The following ZZZ3 variants were observed in gnomAD, a reference collection of about 807,000 sequenced individuals.
The protein encoded by ZZZ3 is ZZ-type zinc finger-containing protein 3.
In ZZZ3, 22 loss-of-function variants were observed where a neutral mutation model predicts 95.2. The observed-to-expected ratio is 0.23, with a 90% CI of 0.17 to 0.33. The LOEUF (loss-of-function observed/expected upper bound fraction) is 0.33. Ranked by LOEUF, ZZZ3 falls within the 10% of genes least tolerant of loss-of-function variation. The probability of loss-of-function intolerance (pLI) is 1.00; values close to 1 mark genes in which losing one functional copy is unlikely to be tolerated. For missense variants in ZZZ3, 885 were observed against 1,066.5 expected (o/e 0.83, Z 2.37); for synonymous variants, 335 against 358.9 (o/e 0.93, Z 0.75).
Position 77,565,445 on chromosome 1 carries a change from G to GA in ZZZ3, c.*194dup, listed in dbSNP as rs1660730890. ...CACCAGGGAAACCTTTGCTCACCAG[G>GA]AATGTTCAGCTGCTGAACAGTGATC... is the stretch of plus-strand genomic sequence containing the variant. On this transcript the variant is annotated 3_prime_UTR_variant, in exon 15 of 15. Coordinates refer to ENST00000370801, the MANE Select transcript of ZZZ3 (RefSeq NM_015534.6). The GA allele has an allele frequency of 6.0e-6, 3 of 496,172 alleles. No homozygotes were observed. The highest frequency in any genetic ancestry group is 1.0e-5 in the Non-Finnish European group (3 of 290,500). The allele number at this position is 496,172 out of a possible 1,614,324, so 30.7% of individuals were successfully genotyped here.
chr1:77,663,812 G>A (rs199625868), intron 1 of ZZZ3, among the ~76,000 whole-genome samples: 12 of 151,190 alleles, frequency 7.9e-5, no homozygotes, highest in African/African-American at 1.9e-4. Flanking sequence ...GCAATGGCGC[G>A]ATCTTGGCTC....
rs755237091 is a variant in ZZZ3 at position 77,639,594 on chromosome 1, TA to T, written c.-198del. 1.4e-4 allele frequency: 76 copies of T among 556,158 alleles called. No homozygotes were observed. Among genetic ancestry groups the T allele is most frequent in the Non-Finnish European group, 1.1e-4 (38 of 353,838 alleles). 34.5% of individuals were successfully genotyped at this position (556,158 alleles called of 1,614,324 possible). Reference sequence around the variant, plus strand: ...AGCCATGAAGAATACTAGAACCTCCTAAATTTTTCTTTAAAATAAAATAATG... The same window carrying T: ...AGCCATGAAGAATACTAGAACCTCCTAATTTTTCTTTAAAATAAAATAATG... On this transcript the variant is annotated 5_prime_UTR_variant, in exon 4 of 15. Transcript: ENST00000370801.
intron 6 of ZZZ3, among the ~76,000 whole-genome samples, chr1:77,582,841 C>G (rs1260120546): frequency 6.6e-6 from 1 of 152,106 alleles, no homozygotes; most frequent in Non-Finnish European, 1.5e-5. Flanking sequence ...CGCAGTGGCT[C>G]ATGCCTGTAA....
At chr1:77,683,102 CCGTCGCAGCCGTCGCAGT>C (rs1672958911), upstream of ZZZ3, among the ~76,000 whole-genome samples, 2 of 145,404 alleles carry the variant, frequency 1.4e-5, no homozygotes, top group East Asian at 2.1e-4. Flanking sequence ...GCCGTCGCAG[CCGTCGCAGCCGTCGCAGT>C]CGTCGCCTCC....
intron 5 of ZZZ3, among the ~76,000 whole-genome samples, chr1:77,623,311 GACAA>G (rs1667050983): frequency 6.6e-6 from 1 of 152,116 alleles, no homozygotes; most frequent in Non-Finnish European, 1.5e-5. Flanking sequence ...AACACAGAAA[GACAA>G]ACAATGCTAT....
chr1:77,674,333 T>C (rs762338314), intron 1 of ZZZ3, among the ~76,000 whole-genome samples: 5 of 152,084 alleles, frequency 3.3e-5, no homozygotes, highest in African/African-American at 7.2e-5. Flanking sequence ...AAACATAACA[T>C]TGAGCAAAAA....
At chr1:77,624,678 G>A (rs1376207663) in intron 5 of ZZZ3, among the ~76,000 whole-genome samples, 5 of 152,060 alleles carry the variant, frequency 3.3e-5, no homozygotes, top group African/African-American at 4.8e-5. Context: ...TTAATCAGCC[G>A]TAATAAGTAA....
chr1:77,599,009 C>T (rs1240201743), intron 5 of ZZZ3, among the ~76,000 whole-genome samples: 3 of 152,058 alleles, frequency 2.0e-5, no homozygotes, highest in Admixed American at 2.0e-4. Context: ...GATGAGGAGG[C>T]TGGAGAGACG....
At chr1:77,644,076 T>C (rs1669031519) in intron 1 of ZZZ3, among the ~76,000 whole-genome samples, 1 of 152,028 alleles carries the variant, frequency 6.6e-6, no homozygotes, top group Non-Finnish European at 1.5e-5. Context: ...TTTTTTTTTT[T>C]CTTTTTGAGA....
At chr1:77,580,945 G>A (rs17385754) in intron 9 of ZZZ3, 53 bp downstream of exon 9, 126,827 of 1,478,540 alleles carry the variant, frequency 0.086, 6,262 homozygotes, top group Middle Eastern at 0.13. Flanking sequence ...TGACTCTGAT[G>A]TTAACTGTTT....
At chr1:77,629,869 T>C (rs1462500640) in intron 5 of ZZZ3, among the ~76,000 whole-genome samples, 1 of 152,220 alleles carries the variant, frequency 6.6e-6, no homozygotes, top group Non-Finnish European at 1.5e-5. Context: ...AATTAAGCTG[T>C]ATTGTTCTCA....
chr1:77,678,423 CAG>C (rs1385775082), intron 1 of ZZZ3, among the ~76,000 whole-genome samples: 2 of 152,154 alleles, frequency 1.3e-5, no homozygotes, highest in Non-Finnish European at 2.9e-5. Context: ...ATTTAATTAA[CAG>C]AGTTTTGAAA....
At chr1:77,606,974 A>ACCT (rs1414801744) in intron 5 of ZZZ3, among the ~76,000 whole-genome samples, 3 of 152,198 alleles carry the variant, frequency 2.0e-5, no homozygotes, top group African/African-American at 7.2e-5. Flanking sequence ...GGAAAACAGA[A>ACCT]CCTCACCAAA....
At chr1:77,647,106 AT>A (rs1251815305) in intron 1 of ZZZ3, among the ~76,000 whole-genome samples, 1 of 152,238 alleles carries the variant, frequency 6.6e-6, no homozygotes, top group African/African-American at 2.4e-5. Flanking sequence ...AGGGTTACTA[AT>A]GTTTGTGGTA....
chr1:77,683,048 CCGCGCACACGTGCG>C (rs1212331456), upstream of ZZZ3, among the ~76,000 whole-genome samples: 2 of 142,486 alleles, frequency 1.4e-5, no homozygotes, highest in African/African-American at 5.3e-5. Context: ...CCCCTTTCGC[CCGCGCACACGTGCG>C]CGCGCACCCC....
intron 5 of ZZZ3, among the ~76,000 whole-genome samples, chr1:77,624,882 T>A (rs1177648829): frequency 6.6e-6 from 1 of 152,082 alleles, no homozygotes; most frequent in Non-Finnish European, 1.5e-5. Flanking sequence ...CTGCACTAAC[T>A]CCAGTTAGTG....
Position 77,632,272 on chromosome 1 carries a change from AAC to A in ZZZ3, c.1081_1082del (p.Val361PhefsTer30). ...EPEPSPVLDC[V>X]SAQMMSLSEP... is the part of the protein sequence containing the mutation. ...CTGATAAAGACATCATTTGAGCTGA[AAC>A]ACAGTCTAGAACAGGAGATGGTTCA... On this transcript the variant is annotated frameshift_variant, in exon 5 of 15. Coordinates refer to ENST00000370801, the MANE Select transcript of ZZZ3 (RefSeq NM_015534.6). LOFTEE classifies it high-confidence loss of function. 6.2e-7 allele frequency: 1 copy of A among 1,614,124 alleles called. No homozygotes were observed. The highest frequency in any genetic ancestry group is 8.5e-7 in the Non-Finnish European group (1 of 1,180,012).
At chr1:77,663,824 C>A (rs1274840048) in intron 1 of ZZZ3, among the ~76,000 whole-genome samples, 1 of 151,770 alleles carries the variant, frequency 6.6e-6, no homozygotes, top group Non-Finnish European at 1.5e-5. Flanking sequence ...TCTTGGCTCA[C>A]CGCAACCCTC....
intron 3 of ZZZ3, chr1:77,640,895 T>A (rs1334734241): frequency 6.6e-6 from 1 of 152,188 alleles, no homozygotes. Flanking sequence ...TAGTAATATC[T>A]AATATCTATA....
Sources: gnomAD v4.1 joint callset for allele counts (sites outside exome capture counted in the v4.1 genomes callset) on GRCh38, gnomAD v4.1.1 for gene constraint, MANE v1.5 for transcripts, NCBI Gene and HGNC (gene_info 2026-07-23, HGNC 2026-07-21) for gene names.